Variants in PCBP3 observed in about 807,000 individuals in gnomAD.
PCBP3 encodes poly(rC) binding protein 3, also known as poly(rC)-binding protein 3.
Under a neutral mutation model 52.7 loss-of-function variants are expected in PCBP3, and 25 were observed. That is an observed-to-expected ratio of 0.47 (90% CI 0.35 to 0.66). PCBP3 has a LOEUF of 0.66. Ranked by LOEUF, PCBP3 falls within the 30% of genes least tolerant of loss-of-function variation. PCBP3 has a pLI of 0.01. For synonymous variants in PCBP3, 162 were observed against 183.0 expected, an observed-to-expected ratio of 0.89 and a Z score of 0.93; for missense variants, 391 against 490.3, an observed-to-expected ratio of 0.80 and a Z score of 1.91.
In PCBP3 at chr21:45,830,363, G is replaced by C. The variant is rs1555960355; in HGVS notation, c.-125-19598G>C. 1 of 153,016 alleles carries C rather than the reference G, an allele frequency of 6.5e-6. No individual in the cohort carries two copies. The highest frequency in any genetic ancestry group is 1.5e-5 in the Non-Finnish European group (1 of 68,202). The allele number at this position is 153,016 out of a possible 1,614,324, so 9.5% of individuals were successfully genotyped here. ...GGCCGCTCCTCTGAGCCCCTCCATG[G>C]GAGGATCGTGAACACATAGCCTTTC... On this transcript the variant is annotated intron_variant, in intron 4 of 17. Coordinates refer to ENST00000681687, the MANE Select transcript of PCBP3 (RefSeq NM_001384156.1). This position sits in a 1 kb window ranked among gnomAD's most constrained non-coding sequence, Gnocchi z 4.4.
chr21:45,838,335 C>T (rs1237753014), intron 4 of PCBP3, among the ~76,000 whole-genome samples: 1 of 152,098 alleles, frequency 6.6e-6, no homozygotes, highest in African/African-American at 2.4e-5. Flanking sequence ...TCCCACCTTA[C>T]CTTTTATATT....
intron 4 of PCBP3, among the ~76,000 whole-genome samples, chr21:45,815,670 A>AG (rs1569261717): frequency 9.9e-4 from 34 of 34,256 alleles, no homozygotes; most frequent in Non-Finnish European, 1.2e-3. Context: ...GTGGTGAGTG[A>AG]TGAGTGAGTG....
At position 45,880,970 on chromosome 21, in the gene PCBP3, G is replaced by A. The variant is rs1458743098; in HGVS notation, c.11-15238G>A. 6.6e-6 allele frequency among the ~76,000 whole-genome samples: 1 copy of A among 152,204 alleles called. No individual in the cohort carries two copies. Among genetic ancestry groups the A allele is most frequent in the Admixed American group, 6.5e-5 (1 of 15,290 alleles). On this transcript the variant is annotated intron_variant, in intron 5 of 17. Transcript: ENST00000681687. The surrounding 1 kb of genome is among the most constrained non-coding windows in gnomAD (Gnocchi z 5.4). Reference sequence around the variant, plus strand: ...TGAGTCCAAGCTTAGAAGCTCACTGGCAGCGTCAGGCAGCTCATGCCCAGC... The same window carrying A: ...TGAGTCCAAGCTTAGAAGCTCACTGACAGCGTCAGGCAGCTCATGCCCAGC...
At chr21:45,676,469 C>T (rs551493202) in intron 2 of PCBP3, among the ~76,000 whole-genome samples, 7 of 152,144 alleles carry the variant, frequency 4.6e-5, no homozygotes, top group Non-Finnish European at 7.4e-5. Flanking sequence ...GTCTCTGTGT[C>T]ACATTTTAGT....
intron 15 of PCBP3, among the ~76,000 whole-genome samples, chr21:45,932,339 T>C (rs921864461): frequency 6.6e-6 from 1 of 151,626 alleles, no homozygotes; most frequent in East Asian, 2.0e-4. Context: ...ACATCAGCCA[T>C]GCTGTCCTGA....
rs150174951 is a variant in PCBP3, at chr21:45,841,139, A to G, written c.-125-8822A>G. On this transcript the variant is annotated intron_variant, in intron 4 of 17. Transcript: ENST00000681687. Reference sequence around the variant, plus strand: ...TAAGTATATTCTACGATATTTGCACAGTGATGAAATCACCTAAAAGTGCAT... The same window carrying G: ...TAAGTATATTCTACGATATTTGCACGGTGATGAAATCACCTAAAAGTGCAT... 4.3e-4 allele frequency among the ~76,000 whole-genome samples: 65 copies of G among 152,352 alleles called. No homozygotes were observed. The East Asian group carries it at 0.012, about 28-fold the overall frequency.
intron 3 of PCBP3, among the ~76,000 whole-genome samples, chr21:45,739,593 C>CCG (rs1555916459): frequency 8.9e-6 from 1 of 112,600 alleles, no homozygotes; most frequent in Non-Finnish European, 1.9e-5. Flanking sequence ...GGTGCCCCCC[C>CCG]CCATCTTCAT....
chr21:45,768,228 CT>C (rs1181457652), intron 4 of PCBP3, among the ~76,000 whole-genome samples: 4 of 152,238 alleles, frequency 2.6e-5, no homozygotes, highest in Admixed American at 6.5e-5. Flanking sequence ...CTGCGTGGGC[CT>C]TTGCTGATGC....
At chr21:45,654,393 T>G (rs1201520308) in intron 1 of PCBP3, among the ~76,000 whole-genome samples, 1 of 143,088 alleles carries the variant, frequency 7.0e-6, no homozygotes, top group African/African-American at 2.6e-5. Context: ...CAGGCTGGAG[T>G]GCAGTGACGT....
rs1015898372 is a variant in PCBP3 at position 45,920,763 on chromosome 21, G to A, written c.717+3134G>A. 1.4e-4 allele frequency among the ~76,000 whole-genome samples: 22 copies of A among 152,296 alleles called. 1 individual carries two copies. Among genetic ancestry groups the A allele is most frequent in the African/African-American group, 4.8e-4 (20 of 41,564 alleles). On this transcript the variant is annotated intron_variant, in intron 13 of 17. Transcript: ENST00000681687. ...CCTCCTGTCATGTGAGGACAAGAGC[G>A]TTCAGGCACCATATTGAAAGCAGAG...
At chr21:45,699,267 T>C (rs573348321) in intron 2 of PCBP3, among the ~76,000 whole-genome samples, 5 of 152,286 alleles carry the variant, frequency 3.3e-5, no homozygotes, top group Non-Finnish European at 7.3e-5. Context: ...CCACATCACT[T>C]TCTGCATTTT....
At chr21:45,938,189 C>T (rs372748) in intron 16 of PCBP3, among the ~76,000 whole-genome samples, 53,786 of 152,200 alleles carry the variant, frequency 0.35, 10,179 homozygotes, top group African/African-American at 0.43. Context: ...CAGCAGGCTC[C>T]GAGGAGAGAT....
chr21:45,760,880 A>C (rs369898319), intron 4 of PCBP3: 2 of 152,116 alleles, frequency 1.3e-5, no homozygotes, highest in South Asian at 4.1e-4. Flanking sequence ...TGCAGTCAGG[A>C]GTTCGAGACC....
chr21:45,706,341 C>G (rs937112695), intron 2 of PCBP3, among the ~76,000 whole-genome samples: 1 of 152,166 alleles, frequency 6.6e-6, no homozygotes, highest in South Asian at 2.1e-4. Context: ...AGTGTGCTGC[C>G]TGGATGCCCA....
intron 2 of PCBP3, among the ~76,000 whole-genome samples, chr21:45,714,679 G>A (rs1202328627): frequency 2.0e-5 from 3 of 152,154 alleles, no homozygotes; most frequent in Non-Finnish European, 4.4e-5. Context: ...TTTTTGAGAC[G>A]AATCCATGAA....
chr21:45,837,016 G>T lies in PCBP3; in HGVS notation c.-125-12945G>T, dbSNP rs879659342. Among the ~76,000 whole-genome samples, 1 of 152,146 alleles carries T rather than the reference G, an allele frequency of 6.6e-6. No homozygotes were observed. The highest frequency in any genetic ancestry group is 1.5e-5 in the Non-Finnish European group (1 of 68,030). ...TGGACATTCCTGTGTGTTTCTTTTGGTGCACACATGAGGTGTTTTTGGTTT... is the reference window on the plus strand; with the variant it reads ...TGGACATTCCTGTGTGTTTCTTTTGTTGCACACATGAGGTGTTTTTGGTTT... On this transcript the variant is annotated intron_variant, in intron 4 of 17. Transcript: ENST00000681687. The surrounding 1 kb of genome is among the most constrained non-coding windows in gnomAD (Gnocchi z 4.1).
At chr21:45,919,353 C>T (rs2074074088) in intron 13 of PCBP3, 1 of 152,262 alleles carries the variant, frequency 6.6e-6, no homozygotes, top group African/African-American at 2.4e-5. Context: ...GCGGGCTGCT[C>T]CAGAGCCTTC....
intron 13 of PCBP3, among the ~76,000 whole-genome samples, 183 bp from the exon 14 acceptor site, chr21:45,929,734 T>C (rs2075932254): frequency 6.6e-6 from 1 of 152,236 alleles, no homozygotes; most frequent in African/African-American, 2.4e-5. Flanking sequence ...ATTGGCCTGC[T>C]CACAGCCTGG....
chr21:45,808,507 T>A (rs189085358), intron 4 of PCBP3, among the ~76,000 whole-genome samples: 1 of 152,318 alleles, frequency 6.6e-6, no homozygotes, highest in African/African-American at 2.4e-5. Flanking sequence ...TCACATCAGT[T>A]AGAATGGCGA....
Sources: allele counts gnomAD v4.1 joint callset (sites outside exome capture counted in the v4.1 genomes callset), GRCh38; gene constraint gnomAD v4.1.1; non-coding constraint Gnocchi (gnomAD v3.1); transcripts MANE v1.5; gene names NCBI Gene and HGNC (gene_info 2026-07-23, HGNC 2026-07-21).